Variants in RGSL1 observed in about 807,000 individuals in gnomAD.
RGSL1 encodes the protein regulator of G protein signaling like 1, also known as regulator of G protein signaling protein-like.
RGSL1 carries 97 observed loss-of-function variants against 124.7 expected under a neutral mutation model. The observed-to-expected ratio is 0.78, with a 90% CI of 0.66 to 0.92. The LOEUF (loss-of-function observed/expected upper bound fraction) is 0.92. RGSL1 is among the 40% of genes least tolerant of loss of function. The pLI is 0.00. For missense variants in RGSL1, 1,233 were observed against 1,288.4 expected, an observed-to-expected ratio of 0.96 and a Z score of 0.66; for synonymous variants, 424 against 438.1, an observed-to-expected ratio of 0.97 and a Z score of 0.40.
At chr1:182,475,252 A>G (rs1049114807) in intron 6 of RGSL1, among the ~76,000 whole-genome samples, 6 of 152,268 alleles carry the variant, frequency 3.9e-5, no homozygotes, top group African/African-American at 7.2e-5. Flanking sequence ...GAAATGTTCA[A>G]TTAGGATGAG....
chr1:182,499,435 T>C (rs1369873735), intron 9 of RGSL1, among the ~76,000 whole-genome samples: 2 of 152,246 alleles, frequency 1.3e-5, no homozygotes. Flanking sequence ...ATGCCTTTAT[T>C]TGTCTTTTTT....
In RGSL1 at chr1:182,556,166, C is replaced by T. The variant is rs973451832; in HGVS notation, c.*109C>T. 1.5e-5 allele frequency: 17 copies of T among 1,134,052 alleles called. No homozygotes were observed. The highest frequency in any genetic ancestry group is 2.0e-4 in the Middle Eastern group (1 of 4,992). 70.2% of individuals were successfully genotyped at this position (1,134,052 alleles called of 1,614,324 possible). A position where few individuals can be genotyped will look rare whatever the true frequency, so the allele number is the denominator to read the frequency against. On this transcript the variant is annotated 3_prime_UTR_variant, in exon 21 of 22. Transcript: ENST00000294854. ...GTCCTGGTACCATCTTCCCCAGAAA[C>T]GATCAAGAAGGGCAATGGGTTGACA... is the stretch of plus-strand genomic sequence containing the variant.
At chr1:182,507,241 A>C (rs1656885707) in intron 9 of RGSL1, 3 of 152,430 alleles carry the variant, frequency 2.0e-5, no homozygotes, top group Non-Finnish European at 4.4e-5. Flanking sequence ...TGACTGCCTC[A>C]GTCTCCCAAA....
At chr1:182,546,723 A>G (rs1175919907) in intron 15 of RGSL1, among the ~76,000 whole-genome samples, 1 of 152,202 alleles carries the variant, frequency 6.6e-6, no homozygotes, top group East Asian at 1.9e-4. Context: ...ACTTGCCTTC[A>G]TTAGAATTTC....
intron 9 of RGSL1, among the ~76,000 whole-genome samples, chr1:182,498,651 A>C (rs1193089681): frequency 6.6e-6 from 1 of 152,132 alleles, no homozygotes; most frequent in Non-Finnish European, 1.5e-5. Context: ...TGATCTTTTT[A>C]GTGATTTTCT....
intron 3 of RGSL1, 136 bp downstream of exon 3, chr1:182,458,529 A>T: frequency 1.4e-6 from 1 of 710,530 alleles, no homozygotes; most frequent in South Asian, 1.9e-5. Context: ...CAGTGCGGTG[A>T]TGCGATCTTA....
intron 15 of RGSL1, among the ~76,000 whole-genome samples, chr1:182,542,997 C>T (rs1659985832): frequency 6.6e-6 from 1 of 152,080 alleles, no homozygotes; most frequent in Non-Finnish European, 1.5e-5. Context: ...CAGCTGTGAA[C>T]AAGGCTAATT....
At chr1:182,539,513 C>A (rs1299433205) in intron 14 of RGSL1, among the ~76,000 whole-genome samples, 1 of 152,152 alleles carries the variant, frequency 6.6e-6, no homozygotes, top group Non-Finnish European at 1.5e-5. Context: ...TCCTGAACAG[C>A]ACTCCAGAAT....
intron 8 of RGSL1, among the ~76,000 whole-genome samples, chr1:182,492,302 T>G (rs1014151392): frequency 6.6e-6 from 1 of 152,202 alleles, no homozygotes; most frequent in African/African-American, 2.4e-5. Flanking sequence ...CTGGGCAACA[T>G]GGCAAAAACC....
chr1:182,511,726 TG>T (rs1279014350), intron 9 of RGSL1, among the ~76,000 whole-genome samples: 1 of 152,158 alleles, frequency 6.6e-6, no homozygotes, highest in Non-Finnish European at 1.5e-5. Context: ...TTTGGCTATT[TG>T]GGGGTCTTTT....
chr1:182,510,845 G>T (rs1313959815), intron 9 of RGSL1, among the ~76,000 whole-genome samples: 1 of 152,168 alleles, frequency 6.6e-6, no homozygotes, highest in Non-Finnish European at 1.5e-5. Flanking sequence ...TTTTCAGGTG[G>T]ATAGTCTGCA....
At chr1:182,482,033 C>T (rs1654748115) in intron 6 of RGSL1, among the ~76,000 whole-genome samples, 1 of 152,104 alleles carries the variant, frequency 6.6e-6, no homozygotes, top group Non-Finnish European at 1.5e-5. Context: ...AAGAATTATA[C>T]ACAATTACCA....
intron 11 of RGSL1, 132 bp downstream of exon 11, chr1:182,527,904 A>G: frequency 1.6e-6 from 1 of 642,942 alleles, no homozygotes; most frequent in Non-Finnish European, 2.6e-6. Context: ...GGCAATATTG[A>G]GACAGATTAA....
At chr1:182,514,354 C>T (rs750876006) in intron 9 of RGSL1, among the ~76,000 whole-genome samples, 11 of 152,168 alleles carry the variant, frequency 7.2e-5, no homozygotes, top group Admixed American at 6.5e-5. Flanking sequence ...GGGTCATTCA[C>T]TGGTACTGCT....
intron 9 of RGSL1, among the ~76,000 whole-genome samples, chr1:182,515,552 AAG>A (rs1491255550): frequency 7.5e-5 from 4 of 53,384 alleles, no homozygotes; most frequent in African/African-American, 1.9e-4. Context: ...AAAAAAAAAA[AAG>A]GGGGGGGCGG....
chr1:182,551,070 T>G (rs1660529439), intron 17 of RGSL1, 30 bp from the exon 18 acceptor site: 30 of 1,494,150 alleles, frequency 2.0e-5, no homozygotes, highest in Non-Finnish European at 2.7e-5. Flanking sequence ...GGGGGTTCCC[T>G]CCTATGACCA....
chr1:182,490,515 T>C (rs1006327475), intron 8 of RGSL1, among the ~76,000 whole-genome samples: 3 of 152,228 alleles, frequency 2.0e-5, no homozygotes, highest in African/African-American at 7.2e-5. Context: ...GCATAAGTTA[T>C]TTAAATCTAG....
chr1:182,524,580 T>C (rs1054150527), intron 10 of RGSL1, among the ~76,000 whole-genome samples: 1 of 152,192 alleles, frequency 6.6e-6, no homozygotes, highest in African/African-American at 2.4e-5. Context: ...AAAAATTGCT[T>C]ATCCAAGAAA....
chr1:182,520,063 A>G (rs1021279047), intron 9 of RGSL1, among the ~76,000 whole-genome samples: 1 of 152,084 alleles, frequency 6.6e-6, no homozygotes, highest in Non-Finnish European at 1.5e-5. Context: ...GTCTTTTAAA[A>G]TATCTTGTTA....
Sources: gnomAD v4.1 joint callset for allele counts (sites outside exome capture counted in the v4.1 genomes callset) on GRCh38, gnomAD v4.1.1 for gene constraint, MANE v1.5 for transcripts, NCBI Gene and HGNC (gene_info 2026-07-23, HGNC 2026-07-21) for gene names.